The following ME3 variants were observed in gnomAD, a reference collection of about 807,000 sequenced individuals.
The protein encoded by ME3 is malic enzyme 3, also known as NADP-dependent malic enzyme, mitochondrial.
Under a neutral mutation model 68.9 loss-of-function variants are expected in ME3, and 48 were observed. That is an observed-to-expected ratio of 0.70 (90% CI 0.55 to 0.89). ME3 has a LOEUF of 0.89. Ranked by LOEUF, ME3 falls within the 40% of genes least tolerant of loss-of-function variation. The pLI, the probability that ME3 is intolerant of heterozygous loss-of-function variation, is 0.00. For missense variants in ME3, 675 were observed against 797.4 expected, an observed-to-expected ratio of 0.85 and a Z score of 1.85; for synonymous variants, 320 against 318.8, an observed-to-expected ratio of 1.00 and a Z score of -0.04.
chr11:86,469,850 GTTTT>G (rs113560700), intron 7 of ME3, among the ~76,000 whole-genome samples: 1 of 143,376 alleles, frequency 7.0e-6, no homozygotes. Context: ...GTTTGATTTT[GTTTT>G]TTTTTTTTTC....
At chr11:86,480,349 C>T (rs1192643001) in intron 7 of ME3, among the ~76,000 whole-genome samples, 1 of 152,206 alleles carries the variant, frequency 6.6e-6, no homozygotes, top group East Asian at 1.9e-4. Context: ...AAATGTATTC[C>T]CTCACGGGAT....
chr11:86,473,639 G>T (rs1950902820), intron 7 of ME3, among the ~76,000 whole-genome samples: 1 of 152,146 alleles, frequency 6.6e-6, no homozygotes, highest in African/African-American at 2.4e-5. Context: ...GATGTCATAG[G>T]ACAGATAAGA....
chr11:86,579,420 G>A (rs986380575), intron 2 of ME3, among the ~76,000 whole-genome samples: 24 of 152,116 alleles, frequency 1.6e-4, no homozygotes, highest in Non-Finnish European at 3.2e-4. Flanking sequence ...TGTGATCACA[G>A]GGAACTTTCT....
intron 2 of ME3, among the ~76,000 whole-genome samples, chr11:86,664,129 G>A (rs1022735431): frequency 6.6e-6 from 1 of 152,210 alleles, no homozygotes; most frequent in African/African-American, 2.4e-5. Flanking sequence ...GTTGGTCTGA[G>A]TATTATTTAC....
chr11:86,449,878 A>T lies in ME3; in HGVS notation c.1131+11T>A. ...TGTCAGGAAACCTCCAGGTCTCCAG[A>T]CTGACAGTACCTTGACAATGAGCCC... On this transcript the variant is annotated intron_variant, in intron 10 of 14. Coordinates refer to ENST00000543262, the Ensembl canonical transcript of ME3. The T allele has an allele frequency of 1.9e-6, 3 of 1,605,342 alleles. No individual in the cohort carries two copies. Among genetic ancestry groups the T allele is most frequent in the Non-Finnish European group, 2.6e-6 (3 of 1,173,964 alleles).
intron 2 of ME3, among the ~76,000 whole-genome samples, chr11:86,608,862 A>G (rs1942348493): frequency 6.6e-6 from 1 of 152,208 alleles, no homozygotes; most frequent in Non-Finnish European, 1.5e-5. Flanking sequence ...GAAGAAAGTA[A>G]AAATTCCATA....
chr11:86,671,339 A>G (rs1019924965), intron 2 of ME3, among the ~76,000 whole-genome samples: 1 of 152,130 alleles, frequency 6.6e-6, no homozygotes, highest in South Asian at 2.1e-4. Flanking sequence ...ACGTACCCCC[A>G]TTTTCTACCC....
At chr11:86,502,227 G>A (rs532062111) in intron 5 of ME3, among the ~76,000 whole-genome samples, 2 of 147,016 alleles carry the variant, frequency 1.4e-5, no homozygotes, top group African/African-American at 2.7e-5. Context: ...TCAAGGAACA[G>A]TTCAAAAAGC....
intron 7 of ME3, 104 bp from the exon 8 acceptor site, chr11:86,465,304 G>A: frequency 3.6e-6 from 3 of 837,584 alleles, no homozygotes; most frequent in Non-Finnish European, 6.2e-6. Flanking sequence ...CCTGGGGGTG[G>A]GAGGTGGCAT....
At chr11:86,443,590 T>C (rs1361541966) in intron 13 of ME3, among the ~76,000 whole-genome samples, 1 of 152,206 alleles carries the variant, frequency 6.6e-6, no homozygotes, top group African/African-American at 2.4e-5. Flanking sequence ...ATCAGCCTCT[T>C]TAATGTGGTG....
chr11:86,496,328 C>A (rs138974768), intron 6 of ME3, among the ~76,000 whole-genome samples: 1 of 151,956 alleles, frequency 6.6e-6, no homozygotes, highest in African/African-American at 2.4e-5. Context: ...ATTGCTTGAA[C>A]CAGGGAAGCA....
chr11:86,532,910 G>A (rs746559744), intron 4 of ME3, among the ~76,000 whole-genome samples: 3 of 152,082 alleles, frequency 2.0e-5, no homozygotes, highest in Non-Finnish European at 2.9e-5. Context: ...AAAATTAGCC[G>A]GGCATGTTTC....
chr11:86,615,318 A>G (rs1231672690), intron 2 of ME3, among the ~76,000 whole-genome samples: 1 of 152,190 alleles, frequency 6.6e-6, no homozygotes, highest in Non-Finnish European at 1.5e-5. Context: ...GTAAGTAAGG[A>G]TTAACTATTC....
intron 8 of ME3, among the ~76,000 whole-genome samples, chr11:86,450,839 C>T (rs1219316548): frequency 6.6e-6 from 1 of 152,194 alleles, no homozygotes; most frequent in Non-Finnish European, 1.5e-5. Context: ...TCTACCAAGT[C>T]ATAAGGTTGG....
chr11:86,613,167 C>G (rs1187562052), intron 2 of ME3, among the ~76,000 whole-genome samples: 2 of 152,110 alleles, frequency 1.3e-5, no homozygotes, highest in East Asian at 3.9e-4. Flanking sequence ...AATAGGAGAC[C>G]CTTTCCCCAT....
intron 2 of ME3, among the ~76,000 whole-genome samples, chr11:86,601,463 A>T (rs1487919775): frequency 6.7e-6 from 1 of 149,316 alleles, no homozygotes; most frequent in African/African-American, 2.5e-5. Context: ...AATAATCACT[A>T]GCTCACCAAC....
intron 8 of ME3, among the ~76,000 whole-genome samples, chr11:86,463,137 G>T (rs947719003): frequency 2.0e-5 from 3 of 152,294 alleles, no homozygotes; most frequent in East Asian, 3.9e-4. Flanking sequence ...GGATGGGCCT[G>T]GGGGGCTGCA....
At position 86,590,324 on chromosome 11, in the gene ME3, G is replaced by A. The variant is rs115285756; in HGVS notation, c.184-30501C>T. ...AGAAAGAGAGAGTGCCTTTGTTAAGGAGCTCACATCCCAGTGAGAAAGCAA... is the reference window on the plus strand; with the variant it reads ...AGAAAGAGAGAGTGCCTTTGTTAAGAAGCTCACATCCCAGTGAGAAAGCAA... On this transcript the variant is annotated intron_variant, in intron 2 of 14. Coordinates refer to ENST00000543262, the Ensembl canonical transcript of ME3. Among the ~76,000 whole-genome samples, 68 of 152,246 alleles carry A rather than the reference G, an allele frequency of 4.5e-4. 1 individual carries two copies. Among genetic ancestry groups the A allele is most frequent in the African/African-American group, 1.5e-3 (61 of 41,560 alleles).
rs998872 is a variant in ME3 at position 86,559,502 on chromosome 11, C to T, written c.317+188G>A. Among the ~76,000 whole-genome samples the T allele has an allele frequency of 3.2e-4, 49 of 152,296 alleles. No homozygotes were observed. The East Asian group carries it at 9.1e-3, about 28-fold the overall frequency. ...TTCCCCCAGGACATGTCAGCTGTGT[C>T]TCAGTCATAACAAGCCTTGTCTCTC... On this transcript the variant is annotated intron_variant, in intron 3 of 14. Coordinates refer to ENST00000543262, the Ensembl canonical transcript of ME3.
Sources: allele counts gnomAD v4.1 joint callset (sites outside exome capture counted in the v4.1 genomes callset), GRCh38; gene constraint gnomAD v4.1.1; transcripts MANE v1.5; gene names NCBI Gene and HGNC (gene_info 2026-07-23, HGNC 2026-07-21).